Variants in GNAO1 observed in about 807,000 individuals in gnomAD.
The protein encoded by GNAO1 is guanine nucleotide-binding protein G(o) subunit alpha.
For synonymous variants in GNAO1, 164 were observed against 180.7 expected (o/e 0.91, Z 0.74); for missense variants, 166 against 478.7 (o/e 0.35, Z 6.10).
intron 3 of GNAO1, among the ~76,000 whole-genome samples, chr16:56,296,605 G>A (rs1330580140): frequency 6.6e-6 from 1 of 152,168 alleles, no homozygotes; most frequent in Non-Finnish European, 1.5e-5. Context: ...AGGCTATTCA[G>A]GGTGCCTCTG....
At chr16:56,329,903 T>A (rs1316803519) in intron 4 of GNAO1, among the ~76,000 whole-genome samples, 1 of 152,072 alleles carries the variant, frequency 6.6e-6, no homozygotes, top group Admixed American at 6.5e-5. Context: ...AAACACCCCA[T>A]AGTGTGCAGG....
chr16:56,314,627 C>T (rs1225635724), intron 3 of GNAO1, among the ~76,000 whole-genome samples: 1 of 152,198 alleles, frequency 6.6e-6, no homozygotes, highest in African/African-American at 2.4e-5. Flanking sequence ...AGTGCAATGG[C>T]AGCTCTGCAG....
intron 3 of GNAO1, among the ~76,000 whole-genome samples, chr16:56,324,000 A>G (rs766754240): frequency 1.3e-5 from 2 of 152,154 alleles, no homozygotes; most frequent in Non-Finnish European, 2.9e-5. Context: ...GCCAATGTGG[A>G]AGACAGGAGA....
chr16:56,281,279 GTCTC>G (rs1296816274), intron 3 of GNAO1, among the ~76,000 whole-genome samples: 1 of 152,096 alleles, frequency 6.6e-6, no homozygotes, highest in Non-Finnish European at 1.5e-5. Flanking sequence ...TTCATCCTAA[GTCTC>G]TCTAAGAATA....
chr16:56,338,379 GC>G (rs1436391862), intron 6 of GNAO1, among the ~76,000 whole-genome samples: 3 of 152,178 alleles, frequency 2.0e-5, no homozygotes, highest in African/African-American at 7.2e-5. Flanking sequence ...CGCTTCCTGG[GC>G]CGTGCTTGGA....
rs541012035 is a variant in GNAO1 at position 56,348,528 on chromosome 16, C to T, written c.724-2856C>T. On this transcript the variant is annotated intron_variant, in intron 6 of 8. Transcript: ENST00000262493. ...TCCTGCTGCTCCTGGGCCTCCACTG[C>T]AGCCTGGGGCAGGTGGAGGTCTAGG... is the stretch of plus-strand genomic sequence containing the variant. 1.5e-3 allele frequency among the ~76,000 whole-genome samples: 226 copies of T among 152,392 alleles called. 1 individual carries two copies. The highest frequency in any genetic ancestry group is 5.0e-3 in the African/African-American group (209 of 41,602).
intron 3 of GNAO1, among the ~76,000 whole-genome samples, chr16:56,289,122 G>A (rs2037204990): frequency 6.6e-6 from 1 of 152,168 alleles, no homozygotes; most frequent in Non-Finnish European, 1.5e-5. Context: ...TCTTAAGGAG[G>A]GAGTTGATGT....
At chr16:56,348,191 G>A (rs1477421142) in intron 6 of GNAO1, 7 of 984,348 alleles carry the variant, frequency 7.1e-6, no homozygotes, top group South Asian at 4.7e-5. Flanking sequence ...AAAAGTGCCC[G>A]CTTTCCTAGC....
intron 2 of GNAO1, among the ~76,000 whole-genome samples, chr16:56,246,724 G>T (rs2036748580): frequency 6.6e-6 from 1 of 152,092 alleles, no homozygotes; most frequent in Admixed American, 6.5e-5. Flanking sequence ...TCCCACTCCA[G>T]TGATCATTGC....
At chr16:56,213,388 C>CAAT (rs2036408396) in intron 2 of GNAO1, 1 of 398,222 alleles carries the variant, frequency 2.5e-6, no homozygotes, top group Non-Finnish European at 4.4e-6. Flanking sequence ...GGGAGACAGG[C>CAAT]AATAAATAAG....
intron 3 of GNAO1, 108 bp downstream of exon 3, chr16:56,276,180 G>A (rs975185492): frequency 1.3e-5 from 12 of 936,910 alleles, no homozygotes; most frequent in East Asian, 7.8e-5. Flanking sequence ...AAGAGACTCC[G>A]CTATGTTTGA....
intron 3 of GNAO1, among the ~76,000 whole-genome samples, chr16:56,324,780 G>A (rs932456787): frequency 6.6e-6 from 1 of 152,236 alleles, no homozygotes; most frequent in African/African-American, 2.4e-5. Flanking sequence ...TTGGATGCTG[G>A]GTCAGGTCAG....
chr16:56,237,173 T>C (rs1198865029), intron 2 of GNAO1, among the ~76,000 whole-genome samples: 3 of 152,238 alleles, frequency 2.0e-5, no homozygotes, highest in African/African-American at 7.2e-5. Flanking sequence ...TAATTGTACA[T>C]GCTATCAACC....
At chr16:56,194,737 G>T (rs1173937849) in intron 2 of GNAO1, among the ~76,000 whole-genome samples, 1 of 152,230 alleles carries the variant, frequency 6.6e-6, no homozygotes. Context: ...CTTTGCATCC[G>T]CCAAAGCAAC....
In GNAO1 at chr16:56,192,056, T is replaced by C; in HGVS notation, c.-180T>C. ...GCGAGTCTCCGCTGCTGGAATCTTG[T>C]TAGCGGCTGTCTTTTTGGAGGGTTC... On this transcript the variant is annotated 5_prime_UTR_variant, in exon 1 of 9. Transcript: ENST00000262493. 2 of 589,202 alleles carry C rather than the reference T, an allele frequency of 3.4e-6. No individual in the cohort carries two copies. Among genetic ancestry groups the C allele is most frequent in the Non-Finnish European group, 6.0e-6 (2 of 331,012 alleles). 36.5% of individuals were successfully genotyped at this position (589,202 alleles called of 1,614,324 possible).
rs575713704 is a variant in GNAO1, at chr16:56,301,506, A to T, written c.303+25434A>T. Among the ~76,000 whole-genome samples, 14 of 152,356 alleles carry T rather than the reference A, an allele frequency of 9.2e-5. No homozygotes were observed. In the East Asian group the frequency reaches 2.7e-3, roughly 29 times the overall value. On this transcript the variant is annotated intron_variant, in intron 3 of 8. Coordinates refer to ENST00000262493, the MANE Select transcript of GNAO1 (RefSeq NM_020988.3). ...TTCAGGGCATGAAGAGGCTGCAAGA[A>T]GGGCTTTCTCTGTTTGCCCTCTAAG...
chr16:56,213,713 G>A (rs1238162408), intron 2 of GNAO1, among the ~76,000 whole-genome samples: 7 of 152,236 alleles, frequency 4.6e-5, no homozygotes, highest in African/African-American at 1.7e-4. Context: ...AGGTGAAGGA[G>A]CCAGCCATGT....
intron 2 of GNAO1, chr16:56,193,820 G>A (rs1468643546): frequency 5.8e-6 from 2 of 345,710 alleles, no homozygotes; most frequent in African/African-American, 4.3e-5. Context: ...CGTTTAGACC[G>A]TTTAGCGAAG....
At chr16:56,341,659 AG>A (rs1446669992) in intron 6 of GNAO1, among the ~76,000 whole-genome samples, 1 of 152,160 alleles carries the variant, frequency 6.6e-6, no homozygotes, top group East Asian at 1.9e-4. Flanking sequence ...TGGGGATGAG[AG>A]GCCAGCCCTG....
Sources: allele counts gnomAD v4.1 joint callset (sites outside exome capture counted in the v4.1 genomes callset), GRCh38; gene constraint gnomAD v4.1.1; transcripts MANE v1.5; gene names NCBI Gene and HGNC (gene_info 2026-07-23, HGNC 2026-07-21).